LCORL: variants seen among roughly 807,000 people sequenced by gnomAD.
The protein encoded by LCORL is ligand dependent nuclear receptor corepressor like.
A neutral mutation model predicts 141.8 loss-of-function variants in LCORL; 41 were observed. The ratio of observed to expected loss-of-function variants is 0.29; its 90% CI spans 0.23 to 0.38. The LOEUF (loss-of-function observed/expected upper bound fraction) is 0.38, where lower values mean the gene tolerates loss of function less well. LCORL is among the 10% of genes least tolerant of loss of function. LCORL has a pLI of 1.00. For synonymous variants in LCORL, 618 were observed against 694.1 expected, an observed-to-expected ratio of 0.89 and a Z score of 1.72; for missense variants, 1,759 against 2,035.0, an observed-to-expected ratio of 0.86 and a Z score of 2.61.
intron 7 of LCORL, among the ~76,000 whole-genome samples, chr4:17,854,500 T>C (rs1280893399): frequency 2.0e-5 from 3 of 152,162 alleles, no homozygotes; most frequent in Non-Finnish European, 4.4e-5. Context: ...CATAATCAGA[T>C]ATAAAGATTA....
chr4:18,018,557 T>C (rs1447181742), intron 1 of LCORL, among the ~76,000 whole-genome samples: 1 of 152,182 alleles, frequency 6.6e-6, no homozygotes, highest in East Asian at 1.9e-4. Context: ...CATTCCATAT[T>C]AAGAGTTAAA....
At chr4:17,959,397 T>C (rs963206817) in intron 4 of LCORL, among the ~76,000 whole-genome samples, 2 of 152,046 alleles carry the variant, frequency 1.3e-5, no homozygotes, top group African/African-American at 4.8e-5. Flanking sequence ...ACGGCTCAAA[T>C]GTTCAGCACA....
intron 6 of LCORL, 129 bp from the exon 7 acceptor site, chr4:17,878,342 A>T (rs747334486): frequency 1.6e-4 from 77 of 496,138 alleles, no homozygotes; most frequent in Non-Finnish European, 2.2e-4. Context: ...GAGCTGCAAT[A>T]ATGGCATTTT....
intron 7 of LCORL, among the ~76,000 whole-genome samples, chr4:17,870,268 TTTTG>T (rs147270217): frequency 4.1e-4 from 63 of 152,270 alleles, no homozygotes; most frequent in East Asian, 3.7e-3. Flanking sequence ...ACTTGGCTAA[TTTTG>T]TTTGTTTGTT....
chr4:17,939,459 C>T (rs1737465152), intron 4 of LCORL, among the ~76,000 whole-genome samples: 1 of 152,096 alleles, frequency 6.6e-6, no homozygotes, highest in Non-Finnish European at 1.5e-5. Flanking sequence ...CAATTCTACT[C>T]ATAGGTATTT....
intron 7 of LCORL, among the ~76,000 whole-genome samples, chr4:17,851,299 A>C (rs2109101205): frequency 6.6e-6 from 1 of 152,194 alleles, no homozygotes; most frequent in Admixed American, 6.5e-5. Flanking sequence ...AAATCAGTGA[A>C]AAATGTCATA....
intron 5 of LCORL, 93 bp from the exon 6 acceptor site, chr4:17,886,254 A>G: frequency 4.1e-6 from 3 of 730,038 alleles, no homozygotes; most frequent in Admixed American, 2.1e-5. Context: ...CTAATTCATA[A>G]CACTAGTATT....
intron 1 of LCORL, among the ~76,000 whole-genome samples, chr4:17,974,567 G>T (rs982585031): frequency 2.0e-5 from 3 of 151,982 alleles, no homozygotes; most frequent in Non-Finnish European, 4.4e-5. Context: ...TAATCACCTG[G>T]AACATTCCAA....
At chr4:17,938,521 A>G (rs1181707148) in intron 4 of LCORL, among the ~76,000 whole-genome samples, 1 of 150,382 alleles carries the variant, frequency 6.6e-6, no homozygotes, top group Non-Finnish European at 1.5e-5. Flanking sequence ...GGTTCAAGCA[A>G]TTGTCCTGCG....
chr4:17,997,173 C>G (rs745660594), intron 1 of LCORL, among the ~76,000 whole-genome samples: 3 of 152,160 alleles, frequency 2.0e-5, no homozygotes, highest in African/African-American at 7.2e-5. Context: ...CCACACTAAA[C>G]AACAGTTTGT....
chr4:17,877,042 T>G (rs1011248982), exon 7 of LCORL: 106 of 1,230,626 alleles, frequency 8.6e-5, no homozygotes, highest in Non-Finnish European at 1.0e-4. Context: ...TTCCTTGAAC[T>G]TTTTTCGGTG....
chr4:17,961,817 G>T, intron 4 of LCORL, 86 bp downstream of exon 4: 1 of 1,016,414 alleles, frequency 9.8e-7, no homozygotes, highest in Non-Finnish European at 1.4e-6. Context: ...TAGAGAGACT[G>T]ACATATAAAA....
At chr4:17,861,570 G>A (rs1725018917) in intron 7 of LCORL, among the ~76,000 whole-genome samples, 1 of 152,176 alleles carries the variant, frequency 6.6e-6, no homozygotes, top group African/African-American at 2.4e-5. Context: ...CTGTTGGCTT[G>A]GAGATTAACG....
intron 4 of LCORL, among the ~76,000 whole-genome samples, chr4:17,935,978 G>A (rs917407244): frequency 1.3e-5 from 2 of 152,130 alleles, no homozygotes; most frequent in Non-Finnish European, 2.9e-5. Context: ...ACCACTTAAA[G>A]AACTCTGAAT....
chr4:17,981,826 G>C (rs1718040411), intron 1 of LCORL, among the ~76,000 whole-genome samples: 1 of 152,106 alleles, frequency 6.6e-6, no homozygotes, highest in African/African-American at 2.4e-5. Context: ...GGGGTTTGGT[G>C]TAGACTATTT....
intron 1 of LCORL, among the ~76,000 whole-genome samples, chr4:17,996,644 T>C (rs1482658618): frequency 6.6e-6 from 1 of 152,080 alleles, no homozygotes; most frequent in Non-Finnish European, 1.5e-5. Flanking sequence ...ACATACACTA[T>C]ATTCCTCTGT....
chr4:17,920,311 A>C (rs1192646857), intron 4 of LCORL, among the ~76,000 whole-genome samples: 1 of 152,198 alleles, frequency 6.6e-6, no homozygotes, highest in Non-Finnish European at 1.5e-5. Context: ...GGTGGTATGG[A>C]AATAGAGGAA....
intron 1 of LCORL, among the ~76,000 whole-genome samples, chr4:18,007,845 T>C (rs908554208): frequency 5.9e-5 from 9 of 152,286 alleles, no homozygotes; most frequent in African/African-American, 2.2e-4. Context: ...CAAGCTAATA[T>C]GTACTCATAG....
intron 4 of LCORL, among the ~76,000 whole-genome samples, chr4:17,923,560 C>T (rs911994400): frequency 5.3e-5 from 8 of 152,040 alleles, no homozygotes; most frequent in Admixed American, 2.0e-4. Context: ...ACAGGAGAAT[C>T]GCTCGAACCC....
Sources: allele counts gnomAD v4.1 joint callset (sites outside exome capture counted in the v4.1 genomes callset), GRCh38; gene constraint gnomAD v4.1.1; transcripts MANE v1.5; gene names NCBI Gene and HGNC (gene_info 2026-07-23, HGNC 2026-07-21).